CPEB1: variants seen among roughly 807,000 people sequenced by gnomAD.
CPEB1 encodes cytoplasmic polyadenylation element binding protein 1.
CPEB1 carries 7 observed loss-of-function variants against 65.8 expected under a neutral mutation model. That is an observed-to-expected ratio of 0.11 (90% confidence interval 0.06 to 0.20). The LOEUF is 0.20. Among genes scored for constraint, CPEB1 ranks in the 10% least tolerant of loss-of-function variants. CPEB1 has a pLI of 1.00. For synonymous variants in CPEB1, 262 were observed against 260.0 expected (o/e 1.01, Z -0.08); for missense variants, 551 against 712.2 (o/e 0.77, Z 2.58).
At chr15:82,648,072 G>T, upstream of CPEB1, 2 of 385,734 alleles carry the variant, frequency 5.2e-6, no homozygotes, top group Non-Finnish European at 9.0e-6. Flanking sequence ...CCGGGCCCTC[G>T]CCTCCGCCCC....
intron 1 of CPEB1, among the ~76,000 whole-genome samples, chr15:82,645,814 G>A (rs1358487326): frequency 6.6e-6 from 1 of 152,076 alleles, no homozygotes; most frequent in Non-Finnish European, 1.5e-5. Context: ...GCTGCAGTGA[G>A]CCAAGATCGC....
chr15:82,555,909 T>A lies in CPEB1; in HGVS notation c.901A>T (p.Ser301Cys). 6.2e-7 allele frequency: 1 copy of A among 1,613,784 alleles called. No individual in the cohort carries two copies. Among genetic ancestry groups the A allele is most frequent in the Non-Finnish European group, 8.5e-7 (1 of 1,179,856 alleles). ...DLLEAPKDPF[S>C]IEREARLHRQ... The stretch of plus-strand genomic sequence containing the variant: ...TGCAGCCTGGCCTCTCTCTCTATGC[T>A]GAAGGGGTCTTTGGGAGCTTCGAGG... The change falls in exon 6 of 13, where the codon AGC becomes TGC. Residue 301 changes from serine (S) to cysteine (C), a missense_variant. By Grantham distance (112) the Ser-to-Cys change is moderately radical (BLOSUM62 -1). Coordinates refer to ENST00000684509, the MANE Select transcript of CPEB1 (RefSeq NM_001365242.1).
intron 4 of CPEB1, among the ~76,000 whole-genome samples, chr15:82,564,813 C>T (rs2038854650): frequency 1.3e-5 from 2 of 152,094 alleles, no homozygotes; most frequent in African/African-American, 4.8e-5. Flanking sequence ...TCACTCTGTC[C>T]TAATCAACCC....
rs777072958 is a variant in CPEB1 at position 82,617,438 on chromosome 15, G to A, written c.271+9755C>T. ...ACTACTCAAAACTGTCAACATAATC[G>A]AAAATAAGGGAAGTCTGAGAAACTG... On this transcript the variant is annotated intron_variant, in intron 3 of 12. Transcript: ENST00000684509. Among the ~76,000 whole-genome samples, 8 of 152,028 alleles carry A rather than the reference G, an allele frequency of 5.3e-5. No homozygotes were observed. In the East Asian group the frequency reaches 5.8e-4, roughly 11 times the overall value.
chr15:82,552,562 G>C lies in CPEB1; in HGVS notation c.1199C>G (p.Ala400Gly). Residue 400 changes from alanine to glycine, a missense_variant, in exon 9 of 13, where the codon GCT becomes GGT. Transcript: ENST00000684509. ...LEKSVRSLLQ[A>G]CSHDPLSPDG... ...TGGGCTCAGCGGGTCATGAGAGCAA[G>C]CCTGAAGCAAGGATCGGACAGACTT... 1 of 1,613,688 alleles carries C rather than the reference G, an allele frequency of 6.2e-7. No homozygotes were observed. The highest frequency in any genetic ancestry group is 8.5e-7 in the Non-Finnish European group (1 of 1,179,786).
intron 4 of CPEB1, among the ~76,000 whole-genome samples, chr15:82,570,719 C>T (rs1196281341): frequency 1.3e-5 from 2 of 150,886 alleles, no homozygotes; most frequent in African/African-American, 4.9e-5. Flanking sequence ...ACTCTCAACA[C>T]AAAGGGAAAA....
At chr15:82,604,326 C>CA (rs1231008008) in intron 3 of CPEB1, among the ~76,000 whole-genome samples, 14 of 151,966 alleles carry the variant, frequency 9.2e-5, no homozygotes, top group African/African-American at 2.9e-4. Flanking sequence ...TACTAAAATA[C>CA]AAAAAATTAG....
At chr15:82,597,040 T>C (rs1440001310) in intron 3 of CPEB1, among the ~76,000 whole-genome samples, 2 of 152,088 alleles carry the variant, frequency 1.3e-5, no homozygotes, top group Non-Finnish European at 2.9e-5. Flanking sequence ...ACAAGAAATA[T>C]AGGCTGGGCA....
At chr15:82,592,435 G>A (rs1435349668) in intron 3 of CPEB1, among the ~76,000 whole-genome samples, 2 of 151,726 alleles carry the variant, frequency 1.3e-5, no homozygotes, top group Non-Finnish European at 2.9e-5. Context: ...CAAAAATACA[G>A]GGACTGGTAC....
Position 82,589,172 on chromosome 15 carries a change from A to G in CPEB1, c.272-17640T>C, listed in dbSNP as rs151086672. On this transcript the variant is annotated intron_variant, in intron 3 of 12. Coordinates refer to ENST00000684509, the MANE Select transcript of CPEB1 (RefSeq NM_001365242.1). ...TGTTATCTGTGCTTTACCATTCAAC[A>G]CTTCCCACCCCCTGGAAAGCCCTGT... is the stretch of plus-strand genomic sequence containing the variant. 3.9e-5 allele frequency among the ~76,000 whole-genome samples: 6 copies of G among 152,266 alleles called. No individual in the cohort carries two copies. In the East Asian group the frequency reaches 1.2e-3, roughly 29 times the overall value.
chr15:82,614,928 A>G (rs2044568456), intron 3 of CPEB1, among the ~76,000 whole-genome samples: 1 of 152,044 alleles, frequency 6.6e-6, no homozygotes, highest in African/African-American at 2.4e-5. Flanking sequence ...GCATCTTTAT[A>G]TACCCACACT....
At chr15:82,589,242 G>C (rs572897351) in intron 3 of CPEB1, among the ~76,000 whole-genome samples, 1 of 152,232 alleles carries the variant, frequency 6.6e-6, no homozygotes, top group African/African-American at 2.4e-5. Flanking sequence ...AGGCCCTGCT[G>C]TTTGTTCTGC....
intron 3 of CPEB1, among the ~76,000 whole-genome samples, chr15:82,575,116 G>C (rs1239042273): frequency 2.0e-5 from 3 of 152,128 alleles, no homozygotes; most frequent in Non-Finnish European, 4.4e-5. Flanking sequence ...AACTGAATGC[G>C]TATCATTTTC....
chr15:82,646,466 G>A (rs587671999), intron 1 of CPEB1, among the ~76,000 whole-genome samples: 5 of 152,298 alleles, frequency 3.3e-5, no homozygotes, highest in South Asian at 2.1e-4. Context: ...GGCGGGGGAG[G>A]AGAGACGCGG....
chr15:82,611,947 A>G (rs951582992), intron 3 of CPEB1, among the ~76,000 whole-genome samples: 3 of 152,076 alleles, frequency 2.0e-5, no homozygotes, highest in African/African-American at 7.2e-5. Context: ...AAATACTGGA[A>G]ATTTTGTAAT....
chr15:82,548,918 C>G, intron 10 of CPEB1: 1 of 300,984 alleles, frequency 3.3e-6, no homozygotes, highest in Non-Finnish European at 6.6e-6. Context: ...CCAGGACTGG[C>G]GAATTGACCT....
In CPEB1 at chr15:82,603,182, A is replaced by G. The variant is rs892874366; in HGVS notation, c.271+24011T>C. Among the ~76,000 whole-genome samples the G allele has an allele frequency of 3.9e-5, 6 of 152,098 alleles. No individual in the cohort carries two copies. In the East Asian group the frequency reaches 1.2e-3, roughly 29 times the overall value. On this transcript the variant is annotated intron_variant, in intron 3 of 12. Transcript: ENST00000684509. ...AACCTGCATCACAGCAAAAATTAGC[A>G]GCCTGGAAGCCACTGAAAGGACAAA...
intron 3 of CPEB1, among the ~76,000 whole-genome samples, chr15:82,618,349 T>C (rs1401541292): frequency 6.6e-6 from 1 of 152,218 alleles, no homozygotes; most frequent in Non-Finnish European, 1.5e-5. Context: ...AATACACATA[T>C]GTATATTCTC....
At chr15:82,627,692 A>G (rs971321699) in intron 2 of CPEB1, among the ~76,000 whole-genome samples, 2 of 152,184 alleles carry the variant, frequency 1.3e-5, no homozygotes. Flanking sequence ...GATTGCCTTT[A>G]TCTATAAAGC....
Sources: gnomAD v4.1 joint callset for allele counts (sites outside exome capture counted in the v4.1 genomes callset) on GRCh38, gnomAD v4.1.1 for gene constraint, MANE v1.5 for transcripts, NCBI Gene and HGNC (gene_info 2026-07-23, HGNC 2026-07-21) for gene names.